The following TENT5D variants were observed in gnomAD, a reference collection of about 807,000 sequenced individuals.
TENT5D encodes terminal nucleotidyltransferase 5D.
For synonymous variants in TENT5D, 103 were observed against 100.6 expected (o/e 1.02, Z -0.15); for missense variants, 191 against 287.0 (o/e 0.67, Z 2.42).
intron 3 of TENT5D, among the ~76,000 whole-genome samples, chrX:80,375,986 A>C (rs1317244784): frequency 9.0e-6 from 1 of 111,358 alleles, no homozygotes; most frequent in Non-Finnish European, 1.9e-5. Flanking sequence ...ATTGAAATAT[A>C]TTTTTATGTG....
intron 3 of TENT5D, among the ~76,000 whole-genome samples, chrX:80,400,790 G>A (rs1267230538): frequency 8.9e-6 from 1 of 111,867 alleles, no homozygotes; most frequent in Non-Finnish European, 1.9e-5. Flanking sequence ...ATTCGGAATT[G>A]TGTCTTTCAG....
intron 3 of TENT5D, among the ~76,000 whole-genome samples, chrX:80,393,787 A>G (rs1275845307): frequency 9.0e-6 from 1 of 111,731 alleles, no homozygotes; most frequent in African/African-American, 3.3e-5. Context: ...AAGTCCCTAT[A>G]TAAGTGAAAC....
chrX:80,416,814 T>C (rs1193801762), upstream of TENT5D, among the ~76,000 whole-genome samples: 1 of 111,460 alleles, frequency 9.0e-6, no homozygotes, highest in Non-Finnish European at 1.9e-5. Context: ...GTCTATTAGG[T>C]CAATTTGGTC....
chrX:80,349,963 G>T (rs1410294277), intron 3 of TENT5D, among the ~76,000 whole-genome samples: 2 of 111,425 alleles, frequency 1.8e-5, no homozygotes, highest in South Asian at 7.6e-4. Flanking sequence ...GTGCAGTTTT[G>T]AGTGAGTTTC....
chrX:80,403,774 G>T (rs1388645181), intron 3 of TENT5D, among the ~76,000 whole-genome samples: 1 of 111,687 alleles, frequency 9.0e-6, no homozygotes, highest in Non-Finnish European at 1.9e-5. Flanking sequence ...GATTGCTTTG[G>T]GTGGATTGGC....
chrX:80,435,432 A>G (rs1008823838), intron 1 of TENT5D, among the ~76,000 whole-genome samples: 2 of 112,212 alleles, frequency 1.8e-5, no homozygotes, highest in African/African-American at 6.5e-5. Flanking sequence ...AACCGTTTTC[A>G]TTTAAATTGT....
intron 3 of TENT5D, among the ~76,000 whole-genome samples, chrX:80,406,364 A>G (rs1445751939): frequency 1.9e-5 from 2 of 106,975 alleles, no homozygotes; most frequent in Non-Finnish European, 3.9e-5. Flanking sequence ...AAAATTTAGA[A>G]GAATGTATAA....
chrX:80,431,986 A>G (rs965291330), intron 1 of TENT5D, among the ~76,000 whole-genome samples: 7 of 110,865 alleles, frequency 6.3e-5, no homozygotes, highest in African/African-American at 2.3e-4. Context: ...TCAGATAAAT[A>G]GGTTTTCTGA....
intron 3 of TENT5D, among the ~76,000 whole-genome samples, chrX:80,386,349 C>T (rs1483509829): frequency 5.4e-5 from 6 of 110,325 alleles, no homozygotes; most frequent in Non-Finnish European, 5.7e-5. Flanking sequence ...AGGTGGGAAT[C>T]GAACAATGAG....
At chrX:80,398,892 A>G (rs1223944067) in intron 3 of TENT5D, among the ~76,000 whole-genome samples, 1 of 111,762 alleles carries the variant, frequency 8.9e-6, no homozygotes, top group Non-Finnish European at 1.9e-5. Flanking sequence ...TGAATAGCCA[A>G]AGAAAACCTG....
At chrX:80,348,596 C>T (rs1412916569) in intron 3 of TENT5D, among the ~76,000 whole-genome samples, 1 of 111,622 alleles carries the variant, frequency 9.0e-6, no homozygotes, top group Non-Finnish European at 1.9e-5. Context: ...AAAATCACGT[C>T]ATCTGCAAAC....
At chrX:80,377,941 G>A (rs781342549) in intron 3 of TENT5D, among the ~76,000 whole-genome samples, 1 of 111,966 alleles carries the variant, frequency 8.9e-6, no homozygotes, top group Non-Finnish European at 1.9e-5. Flanking sequence ...ACTGGTGTGA[G>A]ATGGTATCTC....
chrX:80,394,809 G>A (rs1315457380), intron 3 of TENT5D, among the ~76,000 whole-genome samples: 1 of 111,719 alleles, frequency 9.0e-6, no homozygotes, highest in Non-Finnish European at 1.9e-5. Context: ...ATTGTGTAAT[G>A]ACCACATCAG....
upstream of TENT5D, among the ~76,000 whole-genome samples, chrX:80,419,057 C>T (rs996514590): frequency 7.2e-5 from 8 of 111,451 alleles, no homozygotes; most frequent in African/African-American, 2.6e-4. Flanking sequence ...GACCCTACCT[C>T]TATTCTTCAC....
chrX:80,370,807 C>T (rs1211347656), intron 3 of TENT5D, among the ~76,000 whole-genome samples: 2 of 111,258 alleles, frequency 1.8e-5, no homozygotes, highest in Non-Finnish European at 3.8e-5. Context: ...GTTGTTACTT[C>T]TAGGACTTGA....
chrX:80,344,516 T>C (rs1230341151), intron 3 of TENT5D, among the ~76,000 whole-genome samples: 1 of 110,684 alleles, frequency 9.0e-6, no homozygotes, highest in African/African-American at 3.3e-5. Context: ...TGAGATGGTA[T>C]ATCTTATGGT....
intron 3 of TENT5D, among the ~76,000 whole-genome samples, chrX:80,362,670 A>G (rs758091786): frequency 1.4e-4 from 16 of 111,145 alleles, no homozygotes; most frequent in Non-Finnish European, 2.8e-4. Context: ...AATTTTTCCT[A>G]AAATTCCTAC....
At chrX:80,368,648 A>C (rs1212058560) in intron 3 of TENT5D, among the ~76,000 whole-genome samples, 3 of 112,244 alleles carry the variant, frequency 2.7e-5, no homozygotes, top group African/African-American at 9.7e-5. Flanking sequence ...GAGTCATTGC[A>C]AGAGGTTGAT....
intron 3 of TENT5D, among the ~76,000 whole-genome samples, chrX:80,391,848 A>T (rs560637040): frequency 8.9e-6 from 1 of 112,641 alleles, no homozygotes; most frequent in South Asian, 3.7e-4. Context: ...CCGTTTAGGG[A>T]AGTTTAGTTG....
Sources: allele counts gnomAD v4.1 joint callset (sites outside exome capture counted in the v4.1 genomes callset), GRCh38; gene constraint gnomAD v4.1.1; transcripts MANE v1.5; gene names NCBI Gene and HGNC (gene_info 2026-07-23, HGNC 2026-07-21).